The following TNR variants were observed in gnomAD, a reference collection of about 807,000 sequenced individuals.
The protein encoded by TNR is tenascin-R.
In TNR, 45 loss-of-function variants were observed where a neutral mutation model predicts 150.4. That is an observed-to-expected ratio of 0.30 (90% CI 0.24 to 0.38). The LOEUF (loss-of-function observed/expected upper bound fraction) is 0.38. Among genes scored for constraint, TNR ranks in the 10% least tolerant of loss-of-function variants. The probability of loss-of-function intolerance (pLI) is 1.00; values close to 1 mark genes in which losing one functional copy is unlikely to be tolerated. For synonymous variants in TNR, 687 were observed against 678.4 expected (o/e 1.01, Z -0.20); for missense variants, 1,544 against 1,759.1 (o/e 0.88, Z 2.19).
intron 2 of TNR, among the ~76,000 whole-genome samples, chr1:175,518,577 G>T (rs1374007021): frequency 6.6e-6 from 1 of 152,110 alleles, no homozygotes; most frequent in African/African-American, 2.4e-5. Context: ...GTCACCCACA[G>T]CTCTAGTTGT....
intron 1 of TNR, among the ~76,000 whole-genome samples, chr1:175,657,593 G>A (rs1488335991): frequency 6.6e-6 from 1 of 151,748 alleles, no homozygotes; most frequent in African/African-American, 2.4e-5. Flanking sequence ...TGCAGCCATA[G>A]AAAATGATGA....
chr1:175,567,156 G>C, intron 1 of TNR, among the ~76,000 whole-genome samples: 1 of 152,154 alleles, frequency 6.6e-6, no homozygotes, highest in East Asian at 1.9e-4. Flanking sequence ...TAAGACCTCA[G>C]ATCTCCTAAA....
chr1:175,722,983 G>A (rs1228101005), intron 1 of TNR, among the ~76,000 whole-genome samples: 2 of 151,126 alleles, frequency 1.3e-5, no homozygotes, highest in East Asian at 3.9e-4. Context: ...ATTGAGACGG[G>A]GTTTCACCAT....
intron 2 of TNR, among the ~76,000 whole-genome samples, chr1:175,426,852 TAA>T (rs1225021136): frequency 4.4e-5 from 3 of 68,672 alleles, no homozygotes; most frequent in African/African-American, 2.3e-4. Context: ...ATATAAAATA[TAA>T]ATATATATAA....
chr1:175,365,141 TC>T lies in TNR; in HGVS notation c.2455del (p.Glu819ArgfsTer13). ...CCTCTTGGTGGCATCCAGGGAGACCTCCATCATCTCTTCCTCCTCATCCCTG... is the reference window on the plus strand; with the variant it reads ...CCTCTTGGTGGCATCCAGGGAGACCTCATCATCTCTTCCTCCTCATCCCTG... ...SPRDEEEEMM[E>X]VSLDATKRHA... On this transcript the variant is annotated frameshift_variant, in exon 12 of 23. Transcript: ENST00000367674. LOFTEE classifies it high-confidence loss of function. 6.2e-7 allele frequency: 1 copy of T among 1,614,068 alleles called. No individual in the cohort carries two copies. The highest frequency in any genetic ancestry group is 8.5e-7 in the Non-Finnish European group (1 of 1,179,992).
chr1:175,406,268 C>G lies in TNR; in HGVS notation c.447G>C (p.Ser149=). 1.2e-6 allele frequency: 2 copies of G among 1,614,182 alleles called. No individual in the cohort carries two copies. The highest frequency in any genetic ancestry group is 1.7e-6 in the Non-Finnish European group (2 of 1,180,046). The change falls in exon 3 of 23, where the codon TCG becomes TCC. Residue 149 remains serine, a synonymous_variant. Coordinates refer to ENST00000367674, the MANE Select transcript of TNR (RefSeq NM_003285.3). ...TGGCGTTGCACTGGTCTCGCAGCAC[C>G]GACACCTCCCTCTCCAGCATCTCGA... is the stretch of plus-strand genomic sequence containing the variant. ...SRIEMLEREV[S]VLRDQCNANC... is the part of the protein sequence containing the mutation.
intron 1 of TNR, among the ~76,000 whole-genome samples, chr1:175,536,186 A>G (rs934814669): frequency 6.6e-6 from 1 of 152,148 alleles, no homozygotes; most frequent in Non-Finnish European, 1.5e-5. Flanking sequence ...TTGTAATCTT[A>G]TATATTTTAT....
At position 175,668,702 on chromosome 1, in the gene TNR, C is replaced by T. The variant is rs74656339; in HGVS notation, c.-165+74524G>A. On this transcript the variant is annotated intron_variant, in intron 1 of 22. Transcript: ENST00000367674. The stretch of plus-strand genomic sequence containing the variant: ...AACACCTACCGTGACCGGCACCATG[C>T]TAATATTACACATATTCTCTCTAAT... 7.5e-3 allele frequency among the ~76,000 whole-genome samples: 1,147 copies of T among 152,316 alleles called. 15 individuals carry two copies. Among genetic ancestry groups the T allele is most frequent in the African/African-American group, 0.026 (1,100 of 41,572 alleles).
At chr1:175,426,584 T>C (rs1412895814) in intron 2 of TNR, among the ~76,000 whole-genome samples, 1 of 151,986 alleles carries the variant, frequency 6.6e-6, no homozygotes, top group Non-Finnish European at 1.5e-5. Context: ...ATAGCCTTTG[T>C]TGTTTATGCC....
At chr1:175,438,157 T>C (rs1369322078) in intron 2 of TNR, among the ~76,000 whole-genome samples, 1 of 152,122 alleles carries the variant, frequency 6.6e-6, no homozygotes, top group African/African-American at 2.4e-5. Context: ...GAATCCAGCA[T>C]CACATCAGAA....
At chr1:175,509,996 G>A (rs968713943) in intron 2 of TNR, among the ~76,000 whole-genome samples, 17 of 152,150 alleles carry the variant, frequency 1.1e-4, no homozygotes, top group Non-Finnish European at 2.2e-4. Context: ...GGAGGATGAG[G>A]CGGGCAGATT....
chr1:175,634,357 T>C (rs762989924), intron 1 of TNR, among the ~76,000 whole-genome samples: 2 of 152,194 alleles, frequency 1.3e-5, no homozygotes, highest in Non-Finnish European at 2.9e-5. Context: ...CACATCCCCA[T>C]CAGCCTTGCC....
chr1:175,718,148 G>A (rs1014910655), intron 1 of TNR, among the ~76,000 whole-genome samples: 2 of 152,298 alleles, frequency 1.3e-5, no homozygotes, highest in South Asian at 2.1e-4. Context: ...TTCTGGAGCA[G>A]TGAAAGCTGA....
At chr1:175,340,215 G>A (rs570155128) in intron 18 of TNR, among the ~76,000 whole-genome samples, 1 of 152,304 alleles carries the variant, frequency 6.6e-6, no homozygotes, top group South Asian at 2.1e-4. Flanking sequence ...GAGCTGGTTG[G>A]TGGGGTGGCG....
intron 9 of TNR, among the ~76,000 whole-genome samples, chr1:175,372,664 G>C (rs548998923): frequency 2.8e-4 from 42 of 152,228 alleles, no homozygotes; most frequent in Non-Finnish European, 5.4e-4. Context: ...CGCTAGCAGG[G>C]AAAGTGGTAG....
intron 14 of TNR, among the ~76,000 whole-genome samples, chr1:175,361,997 C>T (rs1033352571): frequency 3.9e-5 from 6 of 152,222 alleles, no homozygotes; most frequent in African/African-American, 1.4e-4. Context: ...GCAAGCCAGT[C>T]TCTCCCTTGC....
intron 1 of TNR, among the ~76,000 whole-genome samples, chr1:175,590,985 G>A (rs539035370): frequency 9.2e-5 from 14 of 152,348 alleles, no homozygotes; most frequent in African/African-American, 2.9e-4. Context: ...AACAAGGAGT[G>A]CAGGGACAGA....
At chr1:175,573,436 G>A (rs935203740) in intron 1 of TNR, among the ~76,000 whole-genome samples, 1 of 152,164 alleles carries the variant, frequency 6.6e-6, no homozygotes. Context: ...TTTTCTGGAG[G>A]GAGAAGGCCT....
rs147552067 is a variant in TNR, at chr1:175,441,631, C to CTG, written c.-63-34856_-63-34855dup. 4.8e-3 allele frequency among the ~76,000 whole-genome samples: 725 copies of CTG among 151,370 alleles called. 1 individual carries two copies. The highest frequency in any genetic ancestry group is 8.1e-3 in the Non-Finnish European group (548 of 67,730). ...TCAGGTCCATGGATGACCAGCACAGCTGTGTGTGTGTGTGTTGTGGGTGGG... is the reference window on the plus strand; with the variant it reads ...TCAGGTCCATGGATGACCAGCACAGCTGTGTGTGTGTGTGTGTTGTGGGTGGG... On this transcript the variant is annotated intron_variant, in intron 2 of 22. Transcript: ENST00000367674.
Sources: allele counts gnomAD v4.1 joint callset (sites outside exome capture counted in the v4.1 genomes callset), GRCh38; gene constraint gnomAD v4.1.1; transcripts MANE v1.5; gene names NCBI Gene and HGNC (gene_info 2026-07-23, HGNC 2026-07-21).